Variants in ATXN8OS observed in about 807,000 individuals in gnomAD.
ATXN8OS encodes the protein ATXN8 opposite strand lncRNA, also known as ATXN8 opposite strand (non-protein coding).
chr13:70,107,473 G>C, upstream of ATXN8OS: 1 of 1,614,104 alleles, frequency 6.2e-7, no homozygotes, highest in South Asian at 1.1e-5. Flanking sequence ...CGATGAAGAG[G>C]AAGAGGAGGA....
chr13:70,168,440 G>T (rs1593780744), intron 4 of ATXN8OS, among the ~76,000 whole-genome samples: 1 of 151,906 alleles, frequency 6.6e-6, no homozygotes, highest in East Asian at 1.9e-4. Context: ...ATCCTACTCT[G>T]CTATCAAACA....
chr13:70,161,492 A>G (rs1354826390), intron 4 of ATXN8OS, among the ~76,000 whole-genome samples: 4 of 152,104 alleles, frequency 2.6e-5, no homozygotes, highest in Non-Finnish European at 5.9e-5. Flanking sequence ...ACTTAGCTCT[A>G]CACCTTCTTT....
At chr13:70,166,579 C>A (rs1334874025) in intron 4 of ATXN8OS, among the ~76,000 whole-genome samples, 1 of 152,040 alleles carries the variant, frequency 6.6e-6, no homozygotes, top group African/African-American at 2.4e-5. Context: ...AAAACGTAGG[C>A]AATACCATTC....
intron 4 of ATXN8OS, among the ~76,000 whole-genome samples, chr13:70,152,347 CTGTGTG>C (rs10556377): frequency 2.6e-5 from 4 of 151,306 alleles, no homozygotes; most frequent in Non-Finnish European, 2.9e-5. Flanking sequence ...CACTCTGTAC[CTGTGTG>C]TGTGTGTATA....
intron 1 of ATXN8OS, among the ~76,000 whole-genome samples, chr13:70,109,421 C>T (rs912804670): frequency 8.5e-5 from 13 of 152,166 alleles, no homozygotes; most frequent in African/African-American, 2.9e-4. Flanking sequence ...TAACCCCCAA[C>T]AGAGCATAGG....
chr13:70,129,774 A>T (rs987678637), intron 2 of ATXN8OS: 5 of 398,376 alleles, frequency 1.3e-5, no homozygotes, highest in Non-Finnish European at 1.8e-5. Context: ...CTCTGCTTTA[A>T]TTGCAATAGC....
At chr13:70,113,604 A>T (rs1011324628) in intron 1 of ATXN8OS, among the ~76,000 whole-genome samples, 1 of 152,210 alleles carries the variant, frequency 6.6e-6, no homozygotes, top group Non-Finnish European at 1.5e-5. Context: ...TATAAAATAC[A>T]GATTTGGAAG....
chr13:70,170,183 T>C (rs541837970), exon 5 of ATXN8OS, among the ~76,000 whole-genome samples: 5 of 152,210 alleles, frequency 3.3e-5, no homozygotes, highest in African/African-American at 9.6e-5. Flanking sequence ...TTGTTTTTCC[T>C]CTTTGGCCAT....
At chr13:70,119,517 G>T (rs1429693101) in intron 2 of ATXN8OS, among the ~76,000 whole-genome samples, 2 of 152,026 alleles carry the variant, frequency 1.3e-5, no homozygotes, top group African/African-American at 4.8e-5. Context: ...TGAACTGATT[G>T]TTCTCTATTC....
exon 1 of ATXN8OS, chr13:70,107,872 CG>C (rs556389912): frequency 4.6e-4 from 256 of 560,868 alleles, no homozygotes; most frequent in African/African-American, 4.3e-3. Flanking sequence ...AAGGCTGGAG[CG>C]CAGACGGCAA....
intron 3 of ATXN8OS, chr13:70,139,366 CTACT>C: frequency 4.8e-6 from 3 of 630,896 alleles, no homozygotes; most frequent in Non-Finnish European, 7.9e-6. Flanking sequence ...ACTACTACTA[CTACT>C]ACTACTACTA....
exon 5 of ATXN8OS, among the ~76,000 whole-genome samples, chr13:70,169,876 A>G (rs1054319916): frequency 6.6e-6 from 1 of 152,084 alleles, no homozygotes; most frequent in Non-Finnish European, 1.5e-5. Context: ...GAACCATCCC[A>G]GCTCCACACC....
At chr13:70,155,370 T>G (rs1342199293) in intron 4 of ATXN8OS, among the ~76,000 whole-genome samples, 1 of 152,142 alleles carries the variant, frequency 6.6e-6, no homozygotes, top group Non-Finnish European at 1.5e-5. Flanking sequence ...GATTGCCCAA[T>G]TCTCAATTTG....
intron 4 of ATXN8OS, among the ~76,000 whole-genome samples, chr13:70,155,748 T>G (rs573226593): frequency 2.0e-5 from 3 of 150,640 alleles, no homozygotes; most frequent in South Asian, 2.1e-4. Flanking sequence ...CAGTTTAGGA[T>G]CTGAGGATAC....
At chr13:70,128,150 G>A (rs1410615) in intron 2 of ATXN8OS, among the ~76,000 whole-genome samples, 34,533 of 151,804 alleles carry the variant, frequency 0.23, 4,143 homozygotes, top group Admixed American at 0.29. Context: ...TGTTTATTTC[G>A]CCTTACAAGC....
At chr13:70,160,166 C>T (rs1232256603) in intron 4 of ATXN8OS, among the ~76,000 whole-genome samples, 1 of 127,626 alleles carries the variant, frequency 7.8e-6, no homozygotes, top group Non-Finnish European at 1.9e-5. Flanking sequence ...TTTTTGTTGA[C>T]TTTTTGTGAG....
chr13:70,112,740 T>A (rs1488060386), intron 1 of ATXN8OS, among the ~76,000 whole-genome samples: 1 of 151,934 alleles, frequency 6.6e-6, no homozygotes, highest in Non-Finnish European at 1.5e-5. Context: ...GTATGTGAAT[T>A]CAAAATGGCA....
At chr13:70,148,672 A>G (rs1047742127) in intron 4 of ATXN8OS, among the ~76,000 whole-genome samples, 2 of 152,074 alleles carry the variant, frequency 1.3e-5, no homozygotes, top group Non-Finnish European at 2.9e-5. Context: ...TTGAAATTCT[A>G]TGGTCAAAAA....
chr13:70,153,787 C>T (rs1246204297), intron 4 of ATXN8OS, among the ~76,000 whole-genome samples: 13 of 152,038 alleles, frequency 8.6e-5, no homozygotes. Flanking sequence ...TCCCGCGATC[C>T]ACCCACCTCA....
Sources: allele counts gnomAD v4.1 joint callset (sites outside exome capture counted in the v4.1 genomes callset), GRCh38; gene constraint gnomAD v4.1.1; transcripts MANE v1.5; gene names NCBI Gene and HGNC (gene_info 2026-07-23, HGNC 2026-07-21).